The following DLGAP2 variants were observed in gnomAD, a reference collection of about 807,000 sequenced individuals.
DLGAP2 encodes disks large-associated protein 2.
In DLGAP2, 26 loss-of-function variants were observed where a neutral mutation model predicts 100.3. The observed-to-expected ratio is 0.26, with a 90% CI of 0.19 to 0.36. The LOEUF is 0.36. DLGAP2 is among the 10% of genes least tolerant of loss of function. The pLI is 1.00. For synonymous variants in DLGAP2, 886 were observed against 630.1 expected (o/e 1.41, Z -6.08); for missense variants, 1,858 against 1,453.2 (o/e 1.28, Z -4.53).
At chr8:1,053,512 A>G (rs913967298) in intron 2 of DLGAP2, among the ~76,000 whole-genome samples, 1 of 152,038 alleles carries the variant, frequency 6.6e-6, no homozygotes, top group Admixed American at 6.6e-5. Flanking sequence ...GGGTTTTGAA[A>G]CCTGGGAAGT....
At chr8:938,314 CCG>C (rs1799117405) in intron 2 of DLGAP2, among the ~76,000 whole-genome samples, 1 of 152,164 alleles carries the variant, frequency 6.6e-6, no homozygotes, top group African/African-American at 2.4e-5. Context: ...CCTCCTTCCT[CCG>C]TCTCTGGGTA....
At chr8:1,164,415 G>GT (rs1796973439) in intron 2 of DLGAP2, among the ~76,000 whole-genome samples, 1 of 151,596 alleles carries the variant, frequency 6.6e-6, no homozygotes, top group Admixed American at 6.6e-5. Flanking sequence ...TGGTTTCTCT[G>GT]GAGCTGCGAT....
chr8:1,265,796 A>G (rs1799438501), intron 3 of DLGAP2, among the ~76,000 whole-genome samples: 1 of 152,238 alleles, frequency 6.6e-6, no homozygotes. Context: ...TTCTGAGACA[A>G]TAAAGAGAGT....
At chr8:1,560,336 G>A (rs1164415966) in intron 5 of DLGAP2, among the ~76,000 whole-genome samples, 6 of 152,128 alleles carry the variant, frequency 3.9e-5, no homozygotes, top group Non-Finnish European at 8.8e-5. Context: ...GGGTAGCTGG[G>A]TAGTATCCAT....
At chr8:897,531 C>A (rs1584872214) in intron 1 of DLGAP2, among the ~76,000 whole-genome samples, 1 of 152,202 alleles carries the variant, frequency 6.6e-6, no homozygotes, top group Non-Finnish European at 1.5e-5. Context: ...CTGTTTTAAT[C>A]TCATCTAATA....
At chr8:1,295,310 CAG>C (rs1563066561) in intron 3 of DLGAP2, among the ~76,000 whole-genome samples, 2 of 152,190 alleles carry the variant, frequency 1.3e-5, no homozygotes, top group Non-Finnish European at 2.9e-5. Flanking sequence ...TTGAAGATGA[CAG>C]AGCCTTAAAA....
intron 2 of DLGAP2, among the ~76,000 whole-genome samples, chr8:1,164,317 T>A: frequency 1.0e-5 from 1 of 99,534 alleles, no homozygotes; most frequent in Non-Finnish European, 2.4e-5. Context: ...TGTTTTTGTT[T>A]GTGGGGACAG....
At chr8:1,661,229 T>G (rs898239023) in intron 8 of DLGAP2, among the ~76,000 whole-genome samples, 13 of 152,284 alleles carry the variant, frequency 8.5e-5, no homozygotes, top group African/African-American at 3.1e-4. Flanking sequence ...GGGCCCAGCT[T>G]CTCCTCATCC....
intron 3 of DLGAP2, among the ~76,000 whole-genome samples, chr8:1,294,306 A>T (rs184249782): frequency 4.1e-4 from 63 of 152,276 alleles, no homozygotes; most frequent in Non-Finnish European, 7.3e-4. Context: ...TTAAGGGAAA[A>T]AATGCCATGT....
Position 1,564,153 on chromosome 8 carries a change from C to A in DLGAP2, c.1231-1530C>A, listed in dbSNP as rs554901645. On this transcript the variant is annotated intron_variant, in intron 5 of 14. Transcript: ENST00000637795. Reference sequence around the variant, plus strand: ...TGCTGTGTTCTTTTGCCTTTGTAAACGTGAGTTTGACCTATGGAGTGAACT... The same window carrying A: ...TGCTGTGTTCTTTTGCCTTTGTAAAAGTGAGTTTGACCTATGGAGTGAACT... Among the ~76,000 whole-genome samples the A allele has an allele frequency of 1.5e-3, 226 of 152,226 alleles. 1 individual carries two copies. The highest frequency in any genetic ancestry group is 5.3e-3 in the African/African-American group (219 of 41,532).
intron 2 of DLGAP2, chr8:1,248,806 G>C (rs1402295999): frequency 6.6e-6 from 1 of 152,532 alleles, no homozygotes; most frequent in Non-Finnish European, 1.5e-5. Flanking sequence ...GGTCCGGACT[G>C]CGGGAAGTGA....
At position 1,082,428 on chromosome 8, in the gene DLGAP2, G is replaced by T. The variant is rs561774907; in HGVS notation, c.73+174462G>T. On this transcript the variant is annotated intron_variant, in intron 2 of 14. Coordinates refer to ENST00000637795, the MANE Select transcript of DLGAP2 (RefSeq NM_001346810.2). Reference sequence around the variant, plus strand: ...AGCTAAGGGTGGGGGCAGCCAACACGGGATACTAATGGAGAAAATCTTCTG... The same window carrying T: ...AGCTAAGGGTGGGGGCAGCCAACACTGGATACTAATGGAGAAAATCTTCTG... 2.6e-5 allele frequency among the ~76,000 whole-genome samples: 4 copies of T among 152,272 alleles called. No homozygotes were observed. In the South Asian group the frequency reaches 6.2e-4, roughly 24 times the overall value.
At chr8:1,302,003 GAATT>G (rs1179741311) in intron 3 of DLGAP2, 3 of 152,326 alleles carry the variant, frequency 2.0e-5, no homozygotes, top group African/African-American at 7.2e-5. Context: ...GTGTCGTGAT[GAATT>G]ACTAACAACT....
chr8:1,000,305 A>C lies in DLGAP2; in HGVS notation c.73+92339A>C, dbSNP rs370215057. Among the ~76,000 whole-genome samples, 7 of 145,014 alleles carry C rather than the reference A, an allele frequency of 4.8e-5. No homozygotes were observed. In the East Asian group the frequency reaches 6.5e-4, roughly 13 times the overall value. ...CCGGGTGGGGGTGGTTTTCTTTTGC[A>C]CTTGATGTTCTCTAGAGCGGACAGA... On this transcript the variant is annotated intron_variant, in intron 2 of 14. Transcript: ENST00000637795.
At chr8:1,627,559 G>A (rs910666962) in intron 7 of DLGAP2, among the ~76,000 whole-genome samples, 2 of 152,232 alleles carry the variant, frequency 1.3e-5, no homozygotes, top group Admixed American at 6.5e-5. Context: ...AAGAAGAATC[G>A]AAAGTTTATC....
chr8:1,179,737 A>T (rs923814059), intron 2 of DLGAP2, among the ~76,000 whole-genome samples: 2 of 152,210 alleles, frequency 1.3e-5, no homozygotes, highest in East Asian at 3.8e-4. Flanking sequence ...CAGCTATAAT[A>T]TTTTTATGAA....
At chr8:1,336,166 C>T (rs17816653) in intron 3 of DLGAP2, among the ~76,000 whole-genome samples, 1 of 152,320 alleles carries the variant, frequency 6.6e-6, no homozygotes, top group Admixed American at 6.5e-5. Context: ...TCTGTGGATT[C>T]GTTCTGAGCA....
At chr8:1,283,168 G>A (rs1188405700) in intron 3 of DLGAP2, among the ~76,000 whole-genome samples, 2 of 149,756 alleles carry the variant, frequency 1.3e-5, no homozygotes, top group Non-Finnish European at 3.0e-5. Flanking sequence ...TGGACGTGGT[G>A]TGACCTGAAC....
At chr8:1,391,411 G>C (rs1017220107) in intron 3 of DLGAP2, among the ~76,000 whole-genome samples, 1 of 152,166 alleles carries the variant, frequency 6.6e-6, no homozygotes, top group Non-Finnish European at 1.5e-5. Flanking sequence ...GCTTATCCAG[G>C]GACACCAGGC....
Sources: allele counts gnomAD v4.1 joint callset (sites outside exome capture counted in the v4.1 genomes callset), GRCh38; gene constraint gnomAD v4.1.1; transcripts MANE v1.5; gene names NCBI Gene and HGNC (gene_info 2026-07-23, HGNC 2026-07-21).